Variants in MAP4 observed in about 807,000 individuals in gnomAD.
The protein encoded by MAP4 is microtubule associated protein 4.
A neutral mutation model predicts 170.2 loss-of-function variants in MAP4; 76 were observed. That is an observed-to-expected ratio of 0.45 (90% CI 0.37 to 0.54). The LOEUF (loss-of-function observed/expected upper bound fraction) is 0.54, where lower values mean the gene tolerates loss of function less well. Among genes scored for constraint, MAP4 ranks in the 20% least tolerant of loss-of-function variants. The pLI, the probability that MAP4 is intolerant of heterozygous loss-of-function variation, is 0.00. For synonymous variants in MAP4, 909 were observed against 994.5 expected, an observed-to-expected ratio of 0.91 and a Z score of 1.62; for missense variants, 2,506 against 2,748.0, an observed-to-expected ratio of 0.91 and a Z score of 1.97.
In MAP4 at chr3:47,853,368, G is replaced by C. The variant is rs1197107937; in HGVS notation, c.6697-16C>G. Reference sequence around the variant, plus strand: ...CGCCCTCAGTCTACAATGAAACAGTGGGGGAGACAGTGCAGGGTCAGTCGA... The same window carrying C: ...CGCCCTCAGTCTACAATGAAACAGTCGGGGAGACAGTGCAGGGTCAGTCGA... On this transcript the variant is annotated splice_polypyrimidine_tract_variant and intron_variant, in intron 19 of 20. Coordinates refer to ENST00000683076, the MANE Select transcript of MAP4 (RefSeq NM_001385682.1). The C allele has an allele frequency of 2.0e-5, 31 of 1,583,786 alleles. No homozygotes were observed. The highest frequency in any genetic ancestry group is 2.7e-5 in the Non-Finnish European group (31 of 1,166,638).
chr3:47,854,284 A>G (rs1033690699), intron 19 of MAP4, among the ~76,000 whole-genome samples: 2 of 152,168 alleles, frequency 1.3e-5, no homozygotes, highest in Admixed American at 1.3e-4. Context: ...GGGCGTGAGA[A>G]CGGCATCCTC....
intron 3 of MAP4, among the ~76,000 whole-genome samples, chr3:47,961,354 AAC>A (rs2100071465): frequency 6.6e-6 from 1 of 152,170 alleles, no homozygotes. Flanking sequence ...CAAACAAACA[AAC>A]AAAAATATAG....
chr3:47,980,124 C>T (rs189034699), intron 2 of MAP4, among the ~76,000 whole-genome samples: 24 of 152,264 alleles, frequency 1.6e-4, no homozygotes, highest in East Asian at 1.5e-3. Context: ...TGAGTCACTG[C>T]GCCTGGCCTT....
intron 10 of MAP4, among the ~76,000 whole-genome samples, chr3:47,896,754 G>A (rs1219885060): frequency 3.3e-5 from 5 of 152,020 alleles, no homozygotes; most frequent in Admixed American, 6.6e-5. Context: ...CATATAAATC[G>A]TAATTGCAAT....
At chr3:48,057,002 T>C (rs1161023869) in intron 1 of MAP4, among the ~76,000 whole-genome samples, 38 of 96,916 alleles carry the variant, frequency 3.9e-4, no homozygotes, top group South Asian at 7.7e-4. Context: ...TCAGCCCCCC[T>C]GCCCGGCCAG....
At chr3:48,017,037 C>T (rs1212503724), upstream of MAP4, among the ~76,000 whole-genome samples, 2 of 151,904 alleles carry the variant, frequency 1.3e-5, no homozygotes, top group African/African-American at 4.8e-5. Context: ...TCTTGGCCTC[C>T]CAAAGTGCTG....
intron 1 of MAP4, among the ~76,000 whole-genome samples, chr3:48,007,588 CT>C (rs1202210782): frequency 2.0e-5 from 3 of 151,910 alleles, no homozygotes; most frequent in Admixed American, 6.6e-5. Context: ...TGTTTGGAGT[CT>C]TTGGCAGGCT....
chr3:47,885,402 T>C (rs372740259), intron 10 of MAP4, among the ~76,000 whole-genome samples: 2 of 130,784 alleles, frequency 1.5e-5, no homozygotes, highest in Non-Finnish European at 3.4e-5. Flanking sequence ...ATCAATCAAT[T>C]CATCAGTCCC....
intron 1 of MAP4, among the ~76,000 whole-genome samples, chr3:48,057,581 G>A (rs1230173768): frequency 1.2e-4 from 15 of 127,746 alleles, no homozygotes; most frequent in Non-Finnish European, 2.1e-4. Flanking sequence ...ATCCCCCTCT[G>A]TGAGAAACAC....
intron 10 of MAP4, chr3:47,892,686 A>C: frequency 7.3e-7 from 1 of 1,378,522 alleles, no homozygotes; most frequent in East Asian, 2.7e-5. Flanking sequence ...AAAGAAAGGA[A>C]GAATGAATGA....
intron 14 of MAP4, 34 bp downstream of exon 14, chr3:47,871,193 T>C: frequency 6.2e-7 from 1 of 1,613,740 alleles, no homozygotes; most frequent in Non-Finnish European, 8.5e-7. Context: ...GGGGTTCAAG[T>C]TAGGGCTCTA....
At position 47,910,597 on chromosome 3, in the gene MAP4, G is replaced by A; in HGVS notation, c.3824C>T (p.Thr1275Ile). 1.3e-6 allele frequency: 2 copies of A among 1,536,106 alleles called. No individual in the cohort carries two copies. Among genetic ancestry groups the A allele is most frequent in the Non-Finnish European group, 8.7e-7 (1 of 1,146,912 alleles). Reference protein sequence around the residue: ...PKMHDSSFSHTPDTPTVEAVD... With the variant: ...PKMHDSSFSHIPDTPTVEAVD... ...TGCTTCCACTGTGGGTGTATCTGGT[G>A]TATGTGAGAACGAAGAATCATGCAT... The change falls in exon 9 of 21, where the codon ACA becomes ATA. Residue 1275 changes from threonine to isoleucine, a missense_variant. Transcript: ENST00000683076.
At chr3:47,873,735 T>C (rs2152325828) in intron 12 of MAP4, among the ~76,000 whole-genome samples, 1 of 152,378 alleles carries the variant, frequency 6.6e-6, no homozygotes, top group South Asian at 2.1e-4. Context: ...CTCTCTGGGA[T>C]GTGCATCAAA....
intron 13 of MAP4, among the ~76,000 whole-genome samples, 199 bp from the exon 14 acceptor site, chr3:47,871,485 T>G (rs565616331): frequency 5.2e-4 from 79 of 152,238 alleles, no homozygotes; most frequent in African/African-American, 1.8e-3. Flanking sequence ...CTGATAAGCC[T>G]TCTATGTGGC....
At chr3:47,965,997 T>C (rs2100074653) in intron 3 of MAP4, among the ~76,000 whole-genome samples, 1 of 152,126 alleles carries the variant, frequency 6.6e-6, no homozygotes, top group African/African-American at 2.4e-5. Flanking sequence ...CTAAGAAATG[T>C]ATAGCCTTGG....
At chr3:48,067,650 T>TA (rs1207983154) in intron 1 of MAP4, among the ~76,000 whole-genome samples, 2 of 113,218 alleles carry the variant, frequency 1.8e-5, no homozygotes, top group Non-Finnish European at 3.7e-5. Context: ...TTTTTTTTTT[T>TA]AAATCCCCAG....
At chr3:47,869,391 G>A (rs1244627299) in intron 15 of MAP4, 64 bp from the exon 16 acceptor site, 1 of 1,131,588 alleles carries the variant, frequency 8.8e-7, no homozygotes, top group African/African-American at 1.5e-5. Context: ...AAGCCAAGAA[G>A]GGAAGAAGGC....
intron 2 of MAP4, among the ~76,000 whole-genome samples, chr3:47,992,774 T>C (rs549573168): frequency 1.3e-5 from 2 of 151,956 alleles, no homozygotes; most frequent in African/African-American, 4.8e-5. Context: ...CATGGTAGCA[T>C]GTGCCTATAA....
At chr3:48,086,466 C>T (rs2100149110) in intron 1 of MAP4, among the ~76,000 whole-genome samples, 1 of 152,084 alleles carries the variant, frequency 6.6e-6, no homozygotes, top group Admixed American at 6.6e-5. Flanking sequence ...TGGCGAAACC[C>T]CGTCTCTACT....
Sources: allele counts gnomAD v4.1 joint callset (sites outside exome capture counted in the v4.1 genomes callset), GRCh38; gene constraint gnomAD v4.1.1; transcripts MANE v1.5; gene names NCBI Gene and HGNC (gene_info 2026-07-23, HGNC 2026-07-21).